The following BACH2 variants were observed in gnomAD, a reference collection of about 807,000 sequenced individuals.
BACH2 encodes transcription regulator protein BACH2.
Under a neutral mutation model 61.8 loss-of-function variants are expected in BACH2, and 5 were observed. The observed-to-expected ratio is 0.08, with a 90% CI of 0.04 to 0.17. The LOEUF is 0.17. Ranked by LOEUF, BACH2 falls within the 10% of genes least tolerant of loss-of-function variation. The pLI is 1.00. For synonymous variants in BACH2, 446 were observed against 440.1 expected (o/e 1.01, Z -0.17); for missense variants, 824 against 1,091.1 (o/e 0.76, Z 3.45).
chr6:90,280,386 C>T (rs184378084), intron 1 of BACH2, among the ~76,000 whole-genome samples: 7 of 152,180 alleles, frequency 4.6e-5, no homozygotes, highest in Admixed American at 3.9e-4. Flanking sequence ...ACTTTGACAT[C>T]GGGGGAAACT....
intron 4 of BACH2, among the ~76,000 whole-genome samples, chr6:90,145,669 C>T (rs953037773): frequency 3.3e-5 from 5 of 152,188 alleles, no homozygotes; most frequent in African/African-American, 9.7e-5. Flanking sequence ...CCAAATATGA[C>T]TGGTGTGCCA....
chr6:90,013,806 C>T (rs1237646412), intron 5 of BACH2, among the ~76,000 whole-genome samples: 1 of 151,950 alleles, frequency 6.6e-6, no homozygotes, highest in Non-Finnish European at 1.5e-5. Flanking sequence ...CTGTGCCCGG[C>T]CTCTTTTTCT....
At chr6:90,027,440 T>C (rs1286463337) in intron 5 of BACH2, among the ~76,000 whole-genome samples, 1 of 152,188 alleles carries the variant, frequency 6.6e-6, no homozygotes, top group Non-Finnish European at 1.5e-5. Context: ...CCTCACAGAA[T>C]ATGCTTCAGA....
chr6:90,229,926 C>A (rs185282026), intron 3 of BACH2, among the ~76,000 whole-genome samples: 58 of 152,310 alleles, frequency 3.8e-4, no homozygotes, highest in African/African-American at 1.3e-3. Context: ...GGCTGTAGAG[C>A]TACAGGCAAC....
At chr6:90,094,655 T>C (rs1782308928) in intron 4 of BACH2, among the ~76,000 whole-genome samples, 1 of 152,190 alleles carries the variant, frequency 6.6e-6, no homozygotes, top group Non-Finnish European at 1.5e-5. Context: ...TTCTCTCCAT[T>C]GTATTAATAT....
intron 6 of BACH2, among the ~76,000 whole-genome samples, chr6:89,967,246 G>A (rs62408178): frequency 0.12 from 18,122 of 152,072 alleles, 1,252 homozygotes; most frequent in East Asian, 0.18. Context: ...TTTATAGCTC[G>A]TAACTGGGAA....
At chr6:90,138,552 T>C (rs539318996) in intron 4 of BACH2, among the ~76,000 whole-genome samples, 12 of 151,736 alleles carry the variant, frequency 7.9e-5, no homozygotes, top group South Asian at 6.3e-4. Flanking sequence ...ACAAATCTAA[T>C]AGTGGGTAGA....
At chr6:90,236,515 C>T (rs1029758436) in intron 3 of BACH2, among the ~76,000 whole-genome samples, 3 of 152,154 alleles carry the variant, frequency 2.0e-5, no homozygotes, top group Admixed American at 1.3e-4. Context: ...GAGAAGTCTT[C>T]GGAAGATTTT....
intron 6 of BACH2, among the ~76,000 whole-genome samples, chr6:89,960,866 G>C (rs183273520): frequency 2.2e-4 from 33 of 152,364 alleles, no homozygotes; most frequent in African/African-American, 6.7e-4. Context: ...AGTCGGCTCA[G>C]AATGGTTATG....
chr6:90,083,897 C>T (rs1342851533), intron 5 of BACH2, among the ~76,000 whole-genome samples: 1 of 152,056 alleles, frequency 6.6e-6, no homozygotes, highest in Non-Finnish European at 1.5e-5. Flanking sequence ...CTACAAAATG[C>T]TTTTTGTTGA....
At chr6:89,939,667 T>C (rs1024226566) in intron 7 of BACH2, among the ~76,000 whole-genome samples, 3 of 130,066 alleles carry the variant, frequency 2.3e-5, no homozygotes, top group Non-Finnish European at 5.1e-5. Context: ...TTTTTTTTTT[T>C]TTTTTTTTTT....
In BACH2 at chr6:89,932,192, T is replaced by C. The variant is rs959151563; in HGVS notation, c.*216A>G. Reference sequence around the variant, plus strand: ...ACAGTGTCATCACTGCTGTCTTTCCTTGCCTGGGCAAGGGGTAGCACCATT... The same window carrying C: ...ACAGTGTCATCACTGCTGTCTTTCCCTGCCTGGGCAAGGGGTAGCACCATT... On this transcript the variant is annotated 3_prime_UTR_variant, in exon 9 of 9. Transcript: ENST00000257749. The C allele has an allele frequency of 8.2e-6, 5 of 606,962 alleles. No homozygotes were observed. The highest frequency in any genetic ancestry group is 5.6e-5 in the East Asian group (2 of 35,512). 37.6% of individuals were successfully genotyped at this position (606,962 alleles called of 1,614,324 possible). A position where few individuals can be genotyped will look rare whatever the true frequency, so the allele number is the denominator to read the frequency against.
intron 1 of BACH2, among the ~76,000 whole-genome samples, chr6:90,295,685 T>C (rs937628179): frequency 2.9e-5 from 4 of 136,234 alleles, no homozygotes; most frequent in Admixed American, 7.2e-5. Context: ...GTGTGTGTGT[T>C]GCACCTTGAC....
At position 90,278,056 on chromosome 6, in the gene BACH2, T is replaced by TA. The variant is rs574806162; in HGVS notation, c.-445-6116dup. Among the ~76,000 whole-genome samples, 199 of 152,358 alleles carry TA rather than the reference T, an allele frequency of 1.3e-3. 5 individuals are homozygous for TA. Among genetic ancestry groups the TA allele is most frequent in the Non-Finnish European group, 1.2e-4 (8 of 68,030 alleles). Reference sequence around the variant, plus strand: ...ATGCAACATTTATTCTACCCAAAGTTAAAGTGTCCTGCCCTAACCTCTACT... The same window carrying TA: ...ATGCAACATTTATTCTACCCAAAGTTAAAAGTGTCCTGCCCTAACCTCTACT... On this transcript the variant is annotated intron_variant, in intron 1 of 8. Transcript: ENST00000257749.
intron 5 of BACH2, among the ~76,000 whole-genome samples, chr6:90,042,064 A>G (rs1049511392): frequency 1.3e-5 from 2 of 152,228 alleles, no homozygotes; most frequent in African/African-American, 4.8e-5. Flanking sequence ...ACACTGACAC[A>G]CTGACACAGA....
chr6:90,282,444 T>G (rs1250784700), intron 1 of BACH2, among the ~76,000 whole-genome samples: 1 of 152,196 alleles, frequency 6.6e-6, no homozygotes, highest in African/African-American at 2.4e-5. Context: ...TTAAGGATAA[T>G]GGCCCCCAGC....
rs189283263 is a variant in BACH2 at position 90,216,555 on chromosome 6, G to C, written c.-274-9874C>G. The stretch of plus-strand genomic sequence containing the variant: ...CCACCTGCTAAGGTCGCAATTCCAA[G>C]AGAGAGGTTGTTCTGCATAACCATA... On this transcript the variant is annotated intron_variant, in intron 3 of 8. Coordinates refer to ENST00000257749, the MANE Select transcript of BACH2 (RefSeq NM_021813.4). Among the ~76,000 whole-genome samples the C allele has an allele frequency of 8.1e-4, 123 of 152,350 alleles. 2 individuals are homozygous for C. The East Asian group carries it at 0.02, about 25-fold the overall frequency.
rs2128352088 is a variant in BACH2 at position 89,931,809 on chromosome 6, C to T, written c.*599G>A. On this transcript the variant is annotated 3_prime_UTR_variant, in exon 9 of 9. Transcript: ENST00000257749. ...GAAGCAAGAAAAATGACCATGTTAA[C>T]AGTTACCAAACTAGTTCTAGCATCA... 6.6e-6 allele frequency: 1 copy of T among 152,480 alleles called. No individual in the cohort carries two copies. The highest frequency in any genetic ancestry group is 2.1e-4 in the South Asian group (1 of 4,806). The allele number at this position is 152,480 out of a possible 1,614,324, so 9.4% of individuals were successfully genotyped here. A position where few individuals can be genotyped will look rare whatever the true frequency, so the allele number is the denominator to read the frequency against.
chr6:89,945,659 A>G (rs1464015108), intron 7 of BACH2, among the ~76,000 whole-genome samples: 2 of 152,216 alleles, frequency 1.3e-5, no homozygotes, highest in African/African-American at 4.8e-5. Flanking sequence ...GGATATATCA[A>G]CAACCACTGA....
Sources: allele counts gnomAD v4.1 joint callset (sites outside exome capture counted in the v4.1 genomes callset), GRCh38; gene constraint gnomAD v4.1.1; transcripts MANE v1.5; gene names NCBI Gene and HGNC (gene_info 2026-07-23, HGNC 2026-07-21).